The following ABHD2 variants were observed in gnomAD, a reference collection of about 807,000 sequenced individuals.
ABHD2 encodes abhydrolase domain containing 2, acylglycerol lipase, also known as monoacylglycerol lipase ABHD2.
Under a neutral mutation model 48.1 loss-of-function variants are expected in ABHD2, and 20 were observed. That is an observed-to-expected ratio of 0.42 (90% confidence interval 0.29 to 0.60). The LOEUF (loss-of-function observed/expected upper bound fraction) is 0.60, where lower values mean the gene tolerates loss of function less well. ABHD2 is among the 20% of genes least tolerant of loss of function. The pLI is 0.24. For synonymous variants in ABHD2, 209 were observed against 214.2 expected (o/e 0.98, Z 0.21); for missense variants, 405 against 550.9 (o/e 0.74, Z 2.65).
In ABHD2 at chr15:89,188,732, C is replaced by T. The variant is rs1395725154; in HGVS notation, c.926+429C>T. ...TCTCTAACAAGAGTAGAAAAACTGG[C>T]TGGGGGCAGTGTCTCATGCCTGTAA... On this transcript the variant is annotated intron_variant, in intron 8 of 10. Coordinates refer to ENST00000352732, the MANE Select transcript of ABHD2 (RefSeq NM_152924.5). This position sits in a 1 kb window ranked among gnomAD's most constrained non-coding sequence, Gnocchi z 4.1. Among the ~76,000 whole-genome samples, 1 of 152,058 alleles carries T rather than the reference C, an allele frequency of 6.6e-6. No individual in the cohort carries two copies. Among genetic ancestry groups the T allele is most frequent in the East Asian group, 1.9e-4 (1 of 5,178 alleles).
At chr15:89,060,386 C>T in the ABHD2 span, among the ~76,000 whole-genome samples, 8 of 146,532 alleles carry the variant, frequency 5.5e-5, no homozygotes, top group South Asian at 4.3e-4. Context: ...CCACCTCGCC[C>T]GGCCAGCCTT....
At chr15:89,134,019 TA>T (rs1189502047) in intron 3 of ABHD2, among the ~76,000 whole-genome samples, 2 of 152,068 alleles carry the variant, frequency 1.3e-5, no homozygotes, top group African/African-American at 4.8e-5. Context: ...TTTGTATTTT[TA>T]GTAGAGACGG....
At chr15:89,127,727 A>ATATATATATATATATATG (rs2050157002) in intron 3 of ABHD2, among the ~76,000 whole-genome samples, 1 of 142,664 alleles carries the variant, frequency 7.0e-6, no homozygotes, top group African/African-American at 2.7e-5. Flanking sequence ...ATACACATAT[A>ATATATATATATATATATG]TATATATATA....
chr15:89,073,999 T>C, the ABHD2 span, among the ~76,000 whole-genome samples: 123,564 of 152,142 alleles, frequency 0.81, 50,735 homozygotes, highest in South Asian at 0.94. Flanking sequence ...GCTTTGGGAT[T>C]GGCGGACCTG....
intron 1 of ABHD2, among the ~76,000 whole-genome samples, chr15:89,107,815 A>G (rs142044167): frequency 6.6e-5 from 10 of 152,294 alleles, no homozygotes; most frequent in Middle Eastern, 3.4e-3. Flanking sequence ...CTTAGGACCC[A>G]TAAGTATCAA....
the ABHD2 span, among the ~76,000 whole-genome samples, chr15:89,060,079 A>G: frequency 2.6e-3 from 341 of 132,120 alleles, 2 homozygotes; most frequent in African/African-American, 9.4e-3. Context: ...AACCACTCCA[A>G]GGCCTTTTTT....
chr15:89,174,050 A>G lies in ABHD2; in HGVS notation c.539-1762A>G, dbSNP rs1054684306. On this transcript the variant is annotated intron_variant, in intron 5 of 10. Coordinates refer to ENST00000352732, the MANE Select transcript of ABHD2 (RefSeq NM_152924.5). This position sits in a 1 kb window ranked among gnomAD's most constrained non-coding sequence, Gnocchi z 4.1. Reference sequence around the variant, plus strand: ...GAGGAGGCCTCCAGGGGTGTCAAAAATATTCTGCGTCTTCATCTGGGCAAT... The same window carrying G: ...GAGGAGGCCTCCAGGGGTGTCAAAAGTATTCTGCGTCTTCATCTGGGCAAT... Among the ~76,000 whole-genome samples the G allele has an allele frequency of 2.6e-5, 4 of 152,168 alleles. No homozygotes were observed. Among genetic ancestry groups the G allele is most frequent in the Non-Finnish European group, 5.9e-5 (4 of 68,044 alleles).
chr15:89,042,590 A>T, the ABHD2 span, among the ~76,000 whole-genome samples: 1,391 of 23,314 alleles, frequency 0.06, 16 homozygotes, highest in African/African-American at 0.22. Flanking sequence ...TTTCTTTCTT[A>T]TTTATTTATT....
rs377248748 is a variant in ABHD2, at chr15:89,151,771, C to A, written c.289C>A (p.His97Asn). The change falls in exon 4 of 11, where the codon CAC (histidine) becomes AAC (asparagine). Residue 97 changes from histidine to asparagine, a missense_variant. His to Asn is a moderately conservative substitution (Grantham distance 68). Transcript: ENST00000352732. The surrounding 1 kb of genome is among the most constrained non-coding windows in gnomAD (Gnocchi z 4.7). ...GGTGAGGTCGCCACATCCTTATGGG[C>A]ACCGGAAGTTCATCACTATGTCTGA... ...GRVRSPHPYGHRKFITMSDGA... is the reference protein window; with the variant it reads ...GRVRSPHPYGNRKFITMSDGA... 1.2e-6 allele frequency: 2 copies of A among 1,614,106 alleles called. No homozygotes were observed. Among genetic ancestry groups the A allele is most frequent in the African/African-American group, 1.3e-5 (1 of 74,928 alleles).
rs1273445349 is a variant in ABHD2, at chr15:89,184,857, C to T, written c.723-567C>T. On this transcript the variant is annotated intron_variant, in intron 6 of 10. Transcript: ENST00000352732. The surrounding 1 kb of genome is among the most constrained non-coding windows in gnomAD (Gnocchi z 5.1). Reference sequence around the variant, plus strand: ...AGCTGTGCCTACAAAGGGTTAAGGGCCTGTCTACTTCCACTTCGATTTCCT... The same window carrying T: ...AGCTGTGCCTACAAAGGGTTAAGGGTCTGTCTACTTCCACTTCGATTTCCT... Among the ~76,000 whole-genome samples, 7 of 152,220 alleles carry T rather than the reference C, an allele frequency of 4.6e-5. No homozygotes were observed. The highest frequency in any genetic ancestry group is 4.6e-4 in the Admixed American group (7 of 15,282).
rs550128650 is a variant in ABHD2, at chr15:89,110,179, T to C, written c.-106-3546T>C. 3.9e-5 allele frequency among the ~76,000 whole-genome samples: 6 copies of C among 152,286 alleles called. No individual in the cohort carries two copies. In the South Asian group the frequency reaches 1.2e-3, roughly 32 times the overall value. On this transcript the variant is annotated intron_variant, in intron 1 of 10. Transcript: ENST00000352732. ...TCCACCTCTCAGGTTCAAGTGATTC[T>C]CCTGCCTCAGCCTGGGATTACAGGC...
intron 3 of ABHD2, among the ~76,000 whole-genome samples, chr15:89,128,605 G>A (rs1303632594): frequency 6.6e-6 from 1 of 152,144 alleles, no homozygotes; most frequent in African/African-American, 2.4e-5. Context: ...CATCATGTTT[G>A]GCCCTGCTAC....
chr15:89,137,486 A>G lies in ABHD2; in HGVS notation c.195-14191A>G, dbSNP rs2050333999. On this transcript the variant is annotated intron_variant, in intron 3 of 10. Coordinates refer to ENST00000352732, the MANE Select transcript of ABHD2 (RefSeq NM_152924.5). This position sits in a 1 kb window ranked among gnomAD's most constrained non-coding sequence, Gnocchi z 4.8. ...TTTTATAGTTTGCACGATATGCACA[A>G]AGGTCACAGATGTACCAGCCTGGCC... Among the ~76,000 whole-genome samples, 1 of 152,252 alleles carries G rather than the reference A, an allele frequency of 6.6e-6. No homozygotes were observed. The highest frequency in any genetic ancestry group is 2.4e-5 in the African/African-American group (1 of 41,466).
chr15:89,089,000 C>T lies in ABHD2; in HGVS notation c.-107+437C>T, dbSNP rs1351132770. On this transcript the variant is annotated intron_variant, in intron 1 of 10. Coordinates refer to ENST00000352732, the MANE Select transcript of ABHD2 (RefSeq NM_152924.5). This position sits in a 1 kb window ranked among gnomAD's most constrained non-coding sequence, Gnocchi z 6.8. ...CCCGAGAGGCCTCTGTGTTTCGGGG[C>T]TCCAGGGGCTCACGCAGGACCAGTG... is the stretch of plus-strand genomic sequence containing the variant. Among the ~76,000 whole-genome samples the T allele has an allele frequency of 6.6e-6, 1 of 152,220 alleles. No homozygotes were observed. Among genetic ancestry groups the T allele is most frequent in the Non-Finnish European group, 1.5e-5 (1 of 68,040 alleles).
chr15:89,150,945 C>T (rs1213622920), intron 3 of ABHD2, among the ~76,000 whole-genome samples: 2 of 152,328 alleles, frequency 1.3e-5, no homozygotes, highest in Admixed American at 6.5e-5. Flanking sequence ...TCTTCTTTTC[C>T]TGGTAATTAA....
chr15:89,177,035 A>C lies in ABHD2; in HGVS notation c.722+1040A>C, dbSNP rs2150929935. 6.6e-6 allele frequency among the ~76,000 whole-genome samples: 1 copy of C among 152,362 alleles called. No homozygotes were observed. Among genetic ancestry groups the C allele is most frequent in the South Asian group, 2.1e-4 (1 of 4,832 alleles). ...ACACCCAAAAGACACATGTGGGCCCAGGATTCAGCCTCTCCCTATGAGGCT... is the reference window on the plus strand; with the variant it reads ...ACACCCAAAAGACACATGTGGGCCCCGGATTCAGCCTCTCCCTATGAGGCT... On this transcript the variant is annotated intron_variant, in intron 6 of 10. Coordinates refer to ENST00000352732, the MANE Select transcript of ABHD2 (RefSeq NM_152924.5). This position sits in a 1 kb window ranked among gnomAD's most constrained non-coding sequence, Gnocchi z 5.6.
the ABHD2 span, among the ~76,000 whole-genome samples, chr15:89,076,368 T>A: frequency 1.7e-3 from 264 of 152,360 alleles, no homozygotes; most frequent in African/African-American, 6.2e-3. Context: ...TCCATCAGTA[T>A]GTCAATATGT....
At chr15:89,061,118 A>G in the ABHD2 span, among the ~76,000 whole-genome samples, 1 of 151,946 alleles carries the variant, frequency 6.6e-6, no homozygotes, top group Non-Finnish European at 1.5e-5. Context: ...GGAAGGATTG[A>G]AAAACTACCT....
chr15:89,135,902 C>G (rs538174737), intron 3 of ABHD2: 2 of 610,682 alleles, frequency 3.3e-6, no homozygotes, highest in East Asian at 5.7e-5. Flanking sequence ...AAGGAGGCCT[C>G]TTGGGTGCAC....
Sources: allele counts gnomAD v4.1 joint callset (sites outside exome capture counted in the v4.1 genomes callset), GRCh38; gene constraint gnomAD v4.1.1; non-coding constraint Gnocchi (gnomAD v3.1); transcripts MANE v1.5; gene names NCBI Gene and HGNC (gene_info 2026-07-23, HGNC 2026-07-21).